SCN3B: variants seen among roughly 807,000 people sequenced by gnomAD.
The protein encoded by SCN3B is sodium channel regulatory subunit beta-3.
Under a neutral mutation model 25.4 loss-of-function variants are expected in SCN3B, and 11 were observed. The ratio of observed to expected loss-of-function variants is 0.43; its 90% CI spans 0.27 to 0.72. SCN3B has a LOEUF of 0.72. SCN3B is among the 30% of genes least tolerant of loss of function. The pLI is 0.18. For synonymous variants in SCN3B, 109 were observed against 110.7 expected, an observed-to-expected ratio of 0.99 and a Z score of 0.09; for missense variants, 218 against 278.3, an observed-to-expected ratio of 0.78 and a Z score of 1.54.
chr11:123,638,277 G>A lies in SCN3B; in HGVS notation c.493C>T (p.Leu165Phe). ...SVVSEIMMYI[L>F]LVFLTLWLLI... ...AGCCACAAGGTGAGGAAGACCAGAA[G>A]GATGTACATCATGATTTCTGAGACC... is the stretch of plus-strand genomic sequence containing the variant. Residue 165 changes from leucine to phenylalanine, a missense_variant, in exon 5 of 7, where the codon CTT becomes TTT. Coordinates refer to ENST00000299333, the MANE Select transcript of SCN3B (RefSeq NM_001040151.2). 1 of 1,614,148 alleles carries A rather than the reference G, an allele frequency of 6.2e-7. No homozygotes were observed. Among genetic ancestry groups the A allele is most frequent in the Non-Finnish European group, 8.5e-7 (1 of 1,180,044 alleles).
At chr11:123,634,007 G>A in intron 6 of SCN3B, 114 bp downstream of exon 6, 1 of 797,286 alleles carries the variant, frequency 1.3e-6, no homozygotes, top group African/African-American at 1.7e-5. Flanking sequence ...CCCAGGCAGG[G>A]TAGACAGTGA....
intron 1 of SCN3B, 125 bp downstream of exon 1, chr11:123,654,101 C>A: frequency 1.9e-6 from 1 of 517,496 alleles, no homozygotes; most frequent in Non-Finnish European, 3.5e-6. Context: ...CCCCGCCCAC[C>A]CCGGAACTCC....
chr11:123,634,099 C>T (rs1193354533), intron 6 of SCN3B, 22 bp downstream of exon 6: 1 of 1,580,526 alleles, frequency 6.3e-7, no homozygotes, highest in East Asian at 2.2e-5. Flanking sequence ...CTGCCTTCCC[C>T]TCCCATGTTC....
At chr11:123,640,988 A>C (rs1955783480) in intron 4 of SCN3B, 1 of 152,242 alleles carries the variant, frequency 6.6e-6, no homozygotes, top group Non-Finnish European at 1.5e-5. Context: ...TACCTGGCAG[A>C]CGAACTAGCT....
intron 2 of SCN3B, among the ~76,000 whole-genome samples, chr11:123,650,502 C>T (rs1720328): frequency 7.2e-5 from 11 of 151,996 alleles, no homozygotes; most frequent in Non-Finnish European, 8.8e-5. Context: ...ATAGGATGCA[C>T]GAAAGATCAC....
intron 2 of SCN3B, among the ~76,000 whole-genome samples, chr11:123,648,301 TG>T (rs1342279242): frequency 6.6e-6 from 1 of 152,266 alleles, no homozygotes; most frequent in Non-Finnish European, 1.5e-5. Flanking sequence ...GTAATCTCTC[TG>T]GACTCAGTTT....
At chr11:123,644,252 T>C (rs2137244212) in intron 3 of SCN3B, among the ~76,000 whole-genome samples, 1 of 152,326 alleles carries the variant, frequency 6.6e-6, no homozygotes, top group East Asian at 1.9e-4. Context: ...CTATTTTTAA[T>C]GCATTAAAAA....
intron 5 of SCN3B, among the ~76,000 whole-genome samples, chr11:123,637,192 A>T (rs1286239204): frequency 6.6e-6 from 1 of 151,994 alleles, no homozygotes; most frequent in Non-Finnish European, 1.5e-5. Context: ...AAGTGACTAG[A>T]GTCTCTGAGC....
chr11:123,644,626 G>A (rs1189970746), intron 3 of SCN3B, among the ~76,000 whole-genome samples: 2 of 151,792 alleles, frequency 1.3e-5, no homozygotes, highest in African/African-American at 4.8e-5. Flanking sequence ...ACCAAAATTA[G>A]CTGGGCATGG....
chr11:123,646,288 C>A (rs1955852871), intron 2 of SCN3B, among the ~76,000 whole-genome samples: 1 of 152,226 alleles, frequency 6.6e-6, no homozygotes, highest in Non-Finnish European at 1.5e-5. Flanking sequence ...ATATTCTGTT[C>A]TTAGAAGACA....
Position 123,642,754 on chromosome 11 carries a change from A to C in SCN3B, c.220-83T>G. The stretch of plus-strand genomic sequence containing the variant: ...AGCCGAGTTAGGGACAGGGCAGAGA[A>C]AAGGAGCAGAATTGTGCATGGACAG... On this transcript the variant is annotated intron_variant, in intron 3 of 6. Coordinates refer to ENST00000299333, the MANE Select transcript of SCN3B (RefSeq NM_001040151.2). The surrounding 1 kb of genome is among the most constrained non-coding windows in gnomAD (Gnocchi z 4.3). The C allele has an allele frequency of 9.8e-7, 1 of 1,023,372 alleles. No homozygotes were observed. The highest frequency in any genetic ancestry group is 1.3e-5 in the South Asian group (1 of 75,834). The allele number at this position is 1,023,372 out of a possible 1,614,324, so 63.4% of individuals were successfully genotyped here.
Position 123,632,978 on chromosome 11 carries a change from G to A in SCN3B, c.*821C>T, listed in dbSNP as rs944974077. On this transcript the variant is annotated 3_prime_UTR_variant, in exon 7 of 7. Coordinates refer to ENST00000299333, the MANE Select transcript of SCN3B (RefSeq NM_001040151.2). ...ATACTGGTGCACAGAAATTTTGAGA[G>A]GAAGAACTCAGGAATTTCAGTCCTA... 1 of 152,174 alleles carries A rather than the reference G, an allele frequency of 6.6e-6. No individual in the cohort carries two copies. Among genetic ancestry groups the A allele is most frequent in the Non-Finnish European group, 1.5e-5 (1 of 68,048 alleles). 9.4% of individuals were successfully genotyped at this position (152,174 alleles called of 1,614,324 possible).
intron 2 of SCN3B, among the ~76,000 whole-genome samples, chr11:123,648,443 CA>C (rs1407014840): frequency 6.6e-6 from 1 of 152,112 alleles, no homozygotes; most frequent in African/African-American, 2.4e-5. Context: ...GTTTATTTCC[CA>C]AATATACTGA....
At position 123,642,773 on chromosome 11, in the gene SCN3B, T is replaced by G; in HGVS notation, c.220-102A>C. ...CAGAGAAAAGGAGCAGAATTGTGCA[T>G]GGACAGGGAAGAGAGGGGACAATGC... On this transcript the variant is annotated intron_variant, in intron 3 of 6. Coordinates refer to ENST00000299333, the MANE Select transcript of SCN3B (RefSeq NM_001040151.2). This position sits in a 1 kb window ranked among gnomAD's most constrained non-coding sequence, Gnocchi z 4.3. 6 of 885,800 alleles carry G rather than the reference T, an allele frequency of 6.8e-6. No homozygotes were observed. Among genetic ancestry groups the G allele is most frequent in the Non-Finnish European group, 7.3e-6 (4 of 548,700 alleles). The allele number at this position is 885,800 out of a possible 1,614,324, so 54.9% of individuals were successfully genotyped here.
intron 3 of SCN3B, 95 bp downstream of exon 3, chr11:123,645,492 T>C (rs1317448108): frequency 2.8e-5 from 35 of 1,234,986 alleles, no homozygotes; most frequent in Middle Eastern, 1.9e-4. Flanking sequence ...AAGGAGCCAG[T>C]GTTTGCTAGC....
At chr11:123,641,962 G>T (rs1275087) in intron 4 of SCN3B, among the ~76,000 whole-genome samples, 47,180 of 152,058 alleles carry the variant, frequency 0.31, 7,424 homozygotes, top group Middle Eastern at 0.37. Flanking sequence ...AAAGCAGAAA[G>T]GCTGGCTTCC....
At chr11:123,644,766 T>TGA (rs371690210) in intron 3 of SCN3B, among the ~76,000 whole-genome samples, 1,297 of 94,436 alleles carry the variant, frequency 0.014, 34 homozygotes, top group South Asian at 0.022. Context: ...GAGACCCCGT[T>TGA]GAGAGAGAGA....
At chr11:123,639,290 T>G (rs1248432898) in intron 4 of SCN3B, 1 of 152,266 alleles carries the variant, frequency 6.6e-6, no homozygotes, top group East Asian at 1.9e-4. Flanking sequence ...TCGCAGTAGT[T>G]CTAGATTCCT....
At chr11:123,651,925 G>A (rs970575745) in intron 2 of SCN3B, among the ~76,000 whole-genome samples, 14 of 152,180 alleles carry the variant, frequency 9.2e-5, no homozygotes, top group African/African-American at 2.2e-4. Flanking sequence ...GATATCACCC[G>A]TGCCAACTTC....
Sources: gnomAD v4.1 joint callset for allele counts (sites outside exome capture counted in the v4.1 genomes callset) on GRCh38, gnomAD v4.1.1 for gene constraint, Gnocchi (gnomAD v3.1) non-coding constraint, MANE v1.5 for transcripts, NCBI Gene and HGNC (gene_info 2026-07-23, HGNC 2026-07-21) for gene names.